Variants in LCLAT1 observed in about 807,000 individuals in gnomAD.
LCLAT1 encodes 1-AGP acyltransferase 8.
Under a neutral mutation model 30.7 loss-of-function variants are expected in LCLAT1, and 11 were observed. That is an observed-to-expected ratio of 0.36 (90% CI 0.23 to 0.59). The LOEUF (loss-of-function observed/expected upper bound fraction) is 0.59. Among genes scored for constraint, LCLAT1 ranks in the 20% least tolerant of loss-of-function variants. The pLI, the probability that LCLAT1 is intolerant of heterozygous loss-of-function variation, is 0.77. For synonymous variants in LCLAT1, 155 were observed against 151.3 expected (o/e 1.02, Z -0.18); for missense variants, 402 against 458.6 (o/e 0.88, Z 1.13).
At chr2:30,503,884 A>C (rs1342141307) in intron 1 of LCLAT1, among the ~76,000 whole-genome samples, 1 of 152,170 alleles carries the variant, frequency 6.6e-6, no homozygotes, top group Admixed American at 6.5e-5. Context: ...CTCAAGACTC[A>C]GGCCTTGGTT....
chr2:30,618,514 T>C (rs186967329), intron 5 of LCLAT1, among the ~76,000 whole-genome samples: 119 of 152,282 alleles, frequency 7.8e-4, no homozygotes, highest in African/African-American at 2.7e-3. Context: ...ATGGTGTTTT[T>C]AAAATTTCAG....
At chr2:30,630,839 T>G (rs1388404450) in intron 5 of LCLAT1, among the ~76,000 whole-genome samples, 2 of 152,230 alleles carry the variant, frequency 1.3e-5, no homozygotes, top group Non-Finnish European at 1.5e-5. Flanking sequence ...AAGGTGATAC[T>G]GGAGAAATGC....
intron 3 of LCLAT1, among the ~76,000 whole-genome samples, chr2:30,549,463 T>C (rs1451205857): frequency 6.6e-6 from 1 of 152,220 alleles, no homozygotes. Flanking sequence ...GCTTTTATAA[T>C]GGTAACTTCA....
At position 30,509,825 on chromosome 2, in the gene LCLAT1, A is replaced by G. The variant is rs553100148; in HGVS notation, c.-4-15762A>G. On this transcript the variant is annotated intron_variant, in intron 1 of 5. Coordinates refer to ENST00000379509, the MANE Select transcript of LCLAT1 (RefSeq NM_001002257.3). ...ATGATCCACCCGCCTTGGCCTTTCAAAGTGCTGGGATTCCAGGCATAAGCC... is the reference window on the plus strand; with the variant it reads ...ATGATCCACCCGCCTTGGCCTTTCAGAGTGCTGGGATTCCAGGCATAAGCC... Among the ~76,000 whole-genome samples, 35 of 152,240 alleles carry G rather than the reference A, an allele frequency of 2.3e-4. 1 individual carries two copies. Among genetic ancestry groups the G allele is most frequent in the Middle Eastern group, 3.4e-3 (1 of 294 alleles).
chr2:30,554,956 G>A (rs1399645200), intron 3 of LCLAT1, among the ~76,000 whole-genome samples: 2 of 150,038 alleles, frequency 1.3e-5, no homozygotes, highest in Non-Finnish European at 3.0e-5. Context: ...TTAAACAGAA[G>A]GAATGTTTTC....
At chr2:30,508,115 C>T (rs528486746) in intron 1 of LCLAT1, among the ~76,000 whole-genome samples, 1 of 152,150 alleles carries the variant, frequency 6.6e-6, no homozygotes, top group South Asian at 2.1e-4. Flanking sequence ...CTGTTCATGT[C>T]TTTTGCGCAC....
intron 1 of LCLAT1, among the ~76,000 whole-genome samples, chr2:30,450,240 C>T (rs1681476957): frequency 6.6e-6 from 1 of 152,164 alleles, no homozygotes; most frequent in African/African-American, 2.4e-5. Context: ...CTGGGATGGG[C>T]CTGGCCAGAA....
intron 1 of LCLAT1, among the ~76,000 whole-genome samples, chr2:30,471,252 C>G (rs4952127): frequency 0.13 from 19,188 of 151,812 alleles, 1,330 homozygotes; most frequent in South Asian, 0.23. Context: ...CAATGTTGCC[C>G]AGGCTGGAGT....
At chr2:30,527,536 T>A (rs1370142995) in intron 2 of LCLAT1, among the ~76,000 whole-genome samples, 2 of 152,180 alleles carry the variant, frequency 1.3e-5, no homozygotes, top group Non-Finnish European at 2.9e-5. Flanking sequence ...TCACTCTAAT[T>A]TTTGGAGAGC....
At chr2:30,531,252 G>C (rs969718930) in intron 2 of LCLAT1, among the ~76,000 whole-genome samples, 4 of 152,082 alleles carry the variant, frequency 2.6e-5, no homozygotes, top group Non-Finnish European at 4.4e-5. Context: ...GCGACAGAGT[G>C]AGACTCCGTC....
chr2:30,469,331 G>A (rs546924393), intron 1 of LCLAT1, among the ~76,000 whole-genome samples: 4 of 152,000 alleles, frequency 2.6e-5, no homozygotes, highest in Admixed American at 6.6e-5. Context: ...AGGTTGTGAA[G>A]ATTTACCTTT....
chr2:30,481,775 A>G (rs773530070), intron 1 of LCLAT1, among the ~76,000 whole-genome samples: 19 of 152,134 alleles, frequency 1.2e-4, no homozygotes, highest in Non-Finnish European at 2.6e-4. Flanking sequence ...GTAGTTAATG[A>G]TTCATTTCTC....
intron 5 of LCLAT1, among the ~76,000 whole-genome samples, chr2:30,616,335 T>A (rs539037994): frequency 3.9e-5 from 6 of 152,188 alleles, no homozygotes; most frequent in Non-Finnish European, 7.3e-5. Flanking sequence ...ACAGATTAGA[T>A]GCCATACTGT....
intron 5 of LCLAT1, among the ~76,000 whole-genome samples, chr2:30,635,091 A>G (rs904775231): frequency 1.3e-5 from 2 of 152,156 alleles, no homozygotes; most frequent in African/African-American, 4.8e-5. Context: ...TATTTACTTA[A>G]TATAAAGCTT....
At chr2:30,544,109 C>G (rs1243583787) in intron 3 of LCLAT1, among the ~76,000 whole-genome samples, 1 of 152,058 alleles carries the variant, frequency 6.6e-6, no homozygotes, top group Non-Finnish European at 1.5e-5. Flanking sequence ...GCCTTTAGCC[C>G]GAGACTGAAA....
intron 5 of LCLAT1, among the ~76,000 whole-genome samples, chr2:30,595,610 T>C (rs1172877274): frequency 6.6e-6 from 1 of 152,206 alleles, no homozygotes; most frequent in Non-Finnish European, 1.5e-5. Context: ...AATGGGTACA[T>C]TGAAAATGTG....
chr2:30,495,582 C>G (rs550993467), intron 1 of LCLAT1, among the ~76,000 whole-genome samples: 1 of 151,920 alleles, frequency 6.6e-6, no homozygotes, highest in South Asian at 2.1e-4. Flanking sequence ...GAAAAAGCAC[C>G]AACAGATTTC....
chr2:30,541,637 C>T (rs1475082854), intron 3 of LCLAT1, among the ~76,000 whole-genome samples: 2 of 152,112 alleles, frequency 1.3e-5, no homozygotes, highest in Non-Finnish European at 2.9e-5. Flanking sequence ...GTTTTATTTA[C>T]CATACCTTTA....
At chr2:30,477,930 C>T (rs372704046) in intron 1 of LCLAT1, among the ~76,000 whole-genome samples, 216 of 152,108 alleles carry the variant, frequency 1.4e-3, no homozygotes, top group African/African-American at 5.1e-3. Flanking sequence ...TTTCTAATTT[C>T]TCTCTCTCCC....
Sources: allele counts gnomAD v4.1 joint callset (sites outside exome capture counted in the v4.1 genomes callset), GRCh38; gene constraint gnomAD v4.1.1; transcripts MANE v1.5; gene names NCBI Gene and HGNC (gene_info 2026-07-23, HGNC 2026-07-21).